Variants in MTERF1 observed in about 807,000 individuals in gnomAD.
MTERF1 encodes transcription termination factor 1, mitochondrial.
Under a neutral mutation model 31.6 loss-of-function variants are expected in MTERF1, and 29 were observed. The ratio of observed to expected loss-of-function variants is 0.92; its 90% CI spans 0.68 to 1.25. MTERF1 has a LOEUF of 1.25. MTERF1 is among the 50% of genes most tolerant of loss of function. The pLI is 0.00. For synonymous variants in MTERF1, 152 were observed against 164.1 expected (o/e 0.93, Z 0.57); for missense variants, 500 against 469.1 (o/e 1.07, Z -0.61).
In MTERF1 at chr7:91,873,118, T is replaced by C. The variant is rs1339003968; in HGVS notation, c.*476A>G. The C allele has an allele frequency of 2.0e-5, 3 of 153,010 alleles. No individual in the cohort carries two copies. The highest frequency in any genetic ancestry group is 4.4e-5 in the Non-Finnish European group (3 of 68,610). 9.5% of individuals were successfully genotyped at this position (153,010 alleles called of 1,614,324 possible). On this transcript the variant is annotated 3_prime_UTR_variant, in exon 3 of 3. Coordinates refer to ENST00000351870, the MANE Select transcript of MTERF1 (RefSeq NM_006980.5). ...CTACTTAGTTGCTATGTTAATCTAT[T>C]TGCTTCTTCAGCAAATTATCACTGA...
chr7:91,879,613 CA>C (rs913632875), intron 2 of MTERF1, among the ~76,000 whole-genome samples: 3 of 151,412 alleles, frequency 2.0e-5, no homozygotes, highest in Admixed American at 6.6e-5. Flanking sequence ...TTTCTAGTAC[CA>C]AAAAAGTCAC....
chr7:91,878,221 G>GTA (rs1370949343), intron 2 of MTERF1, among the ~76,000 whole-genome samples: 5 of 152,022 alleles, frequency 3.3e-5, no homozygotes, highest in African/African-American at 1.2e-4. Context: ...ACTGAAATTT[G>GTA]GTCTTGATTA....
At chr7:91,878,678 T>C (rs542705770) in intron 2 of MTERF1, among the ~76,000 whole-genome samples, 1 of 151,962 alleles carries the variant, frequency 6.6e-6, no homozygotes, top group African/African-American at 2.4e-5. Flanking sequence ...CTACAAAAAA[T>C]CAAAACATTA....
chr7:91,879,430 T>C (rs1003155354), intron 2 of MTERF1, among the ~76,000 whole-genome samples: 7 of 152,182 alleles, frequency 4.6e-5, no homozygotes, highest in African/African-American at 1.7e-4. Context: ...GAAAGTGGAA[T>C]GACACTTATT....
chr7:91,880,134 C>G, intron 1 of MTERF1, 21 bp from the exon 2 acceptor site: 1 of 1,580,604 alleles, frequency 6.3e-7, no homozygotes. Context: ...CACACACACA[C>G]AAAAAAAAGG....
chr7:91,880,273 C>A (rs369135202), intron 1 of MTERF1, 160 bp from the exon 2 acceptor site: 5 of 605,786 alleles, frequency 8.3e-6, no homozygotes, highest in Non-Finnish European at 1.4e-5. Flanking sequence ...GAAAAGAAAA[C>A]GGCAAGTACA....
chr7:91,877,389 T>G (rs553444164), intron 2 of MTERF1, among the ~76,000 whole-genome samples: 1 of 152,222 alleles, frequency 6.6e-6, no homozygotes, highest in Non-Finnish European at 1.5e-5. Flanking sequence ...ATGTCTTGTG[T>G]ATAACTCATC....
rs1285720193 is a variant in MTERF1, at chr7:91,871,001, G to A, written c.*2593C>T. The A allele has an allele frequency of 6.7e-6, 1 of 149,348 alleles. No homozygotes were observed. Among genetic ancestry groups the A allele is most frequent in the Admixed American group, 6.7e-5 (1 of 14,828 alleles). 9.3% of individuals were successfully genotyped at this position (149,348 alleles called of 1,614,324 possible). On this transcript the variant is annotated 3_prime_UTR_variant, in exon 3 of 3. Transcript: ENST00000351870. ...ACCCAGGCTGGTCTTGAACTCCTGG[G>A]CTCAAGCAATCCTCCCACCTCGGCC...
At chr7:91,878,177 G>C (rs1203214422) in intron 2 of MTERF1, among the ~76,000 whole-genome samples, 1 of 152,116 alleles carries the variant, frequency 6.6e-6, no homozygotes, top group East Asian at 1.9e-4. Context: ...TCTATTTATA[G>C]AAAACAAGAG....
rs750956047 is a variant in MTERF1, at chr7:91,873,659, T to A, written c.1135A>T (p.Thr379Ser). 6 of 1,613,758 alleles carry A rather than the reference T, an allele frequency of 3.7e-6. No individual in the cohort carries two copies. Among genetic ancestry groups the A allele is most frequent in the South Asian group, 3.3e-5 (3 of 90,996 alleles). Reference sequence around the variant, plus strand: ...CTTTTTTTACTCCAAGATAGAAGAGTGATGTTTAAAGTACTCAAGTTACAG... The same window carrying A: ...CTTTTTTTACTCCAAGATAGAAGAGAGATGTTTAAAGTACTCAAGTTACAG... ...AGCNLSTLNI[T>S]LLSWSKKRYE... is the part of the protein sequence containing the mutation. The change falls in exon 3 of 3, where the codon ACT (threonine) becomes TCT (serine). Residue 379 changes from threonine to serine, a missense_variant. By Grantham distance (58) the Thr-to-Ser change is moderately conservative. Coordinates refer to ENST00000351870, the MANE Select transcript of MTERF1 (RefSeq NM_006980.5).
chr7:91,873,705 G>C lies in MTERF1; in HGVS notation c.1089C>G (p.Ile363Met), dbSNP rs566302697. 6.2e-7 allele frequency: 1 copy of C among 1,614,060 alleles called. No individual in the cohort carries two copies. Among genetic ancestry groups the C allele is most frequent in the African/African-American group, 1.3e-5 (1 of 75,050 alleles). Residue 363 changes from isoleucine (I) to methionine (M), a missense_variant, in exon 3 of 3, where the codon ATC becomes ATG. Transcript: ENST00000351870. Reference protein sequence around the residue: ...DSSISTLKSRIKELVNAGCNL... With the variant: ...DSSISTLKSRMKELVNAGCNL... ...TACAGCCAGCATTTACCAATTCTTT[G>C]ATTCGACTTTTTAAAGTACTTATGC... is the stretch of plus-strand genomic sequence containing the variant.
Position 91,874,594 on chromosome 7 carries a change from C to T in MTERF1, c.200G>A (p.Ser67Asn), listed in dbSNP as rs1456884124. 1 of 1,613,978 alleles carries T rather than the reference C, an allele frequency of 6.2e-7. No homozygotes were observed. The highest frequency in any genetic ancestry group is 1.3e-5 in the African/African-American group (1 of 74,904). ...LFGVKCHNTDSEPLKNEDLLK... is the reference protein window; with the variant it reads ...LFGVKCHNTDNEPLKNEDLLK... ...TAGGTCCTCATTTTTCAAAGGCTCA[C>T]TGTCTGTATTATGACACTTCACACC... The change falls in exon 3 of 3, where the codon AGT (serine) becomes AAT (asparagine). Residue 67 changes from serine (S) to asparagine (N), a missense_variant. Transcript: ENST00000351870.
Position 91,874,272 on chromosome 7 carries a change from T to C in MTERF1, c.522A>G (p.Leu174=), listed in dbSNP as rs1392612510. Residue 174 remains leucine (L), a synonymous_variant, in exon 3 of 3, where the codon CTA becomes CTG. Transcript: ENST00000351870. ...PESFFRSNNN[L]NLENNIKFLY... is the part of the protein sequence containing the mutation. ...GGAACTTTATATTATTCTCTAAGTT[T>C]AGGTTGTTATTGGACCGAAAAAAGG... 1.2e-6 allele frequency: 2 copies of C among 1,614,078 alleles called. No individual in the cohort carries two copies. The highest frequency in any genetic ancestry group is 2.2e-5 in the South Asian group (2 of 91,056).
chr7:91,878,979 C>T (rs1474349453), intron 2 of MTERF1, among the ~76,000 whole-genome samples: 1 of 152,092 alleles, frequency 6.6e-6, no homozygotes, highest in Non-Finnish European at 1.5e-5. Flanking sequence ...CCCATCTCTA[C>T]TAAAAATACT....
At chr7:91,877,198 T>A (rs1789367611) in intron 2 of MTERF1, among the ~76,000 whole-genome samples, 1 of 152,238 alleles carries the variant, frequency 6.6e-6, no homozygotes, top group South Asian at 2.1e-4. Context: ...TGAAGACTAC[T>A]AGACAGTGCA....
At chr7:91,878,309 T>A (rs1456551684) in intron 2 of MTERF1, among the ~76,000 whole-genome samples, 4 of 152,076 alleles carry the variant, frequency 2.6e-5, no homozygotes, top group Non-Finnish European at 4.4e-5. Context: ...AACCTAGAAA[T>A]TTGGTCTTGA....
intron 2 of MTERF1, among the ~76,000 whole-genome samples, chr7:91,876,630 C>T (rs1298781124): frequency 6.6e-6 from 1 of 152,168 alleles, no homozygotes; most frequent in Admixed American, 6.5e-5. Flanking sequence ...TCTACAGATT[C>T]TCACAGAATT....
Position 91,873,928 on chromosome 7 carries a change from G to A in MTERF1, c.866C>T (p.Ala289Val). ...TTTGATGTTTGCGTAGCTTCTTCTG[G>A]CATAGTCATTGGAAAGGTCTAGGAT... ...AEILDLSNDY[A>V]RRSYANIKEK... Residue 289 changes from alanine (A) to valine (V), a missense_variant, in exon 3 of 3, where the codon GCC becomes GTC. Transcript: ENST00000351870. 1 of 1,613,940 alleles carries A rather than the reference G, an allele frequency of 6.2e-7. No individual in the cohort carries two copies. Among genetic ancestry groups the A allele is most frequent in the Non-Finnish European group, 8.5e-7 (1 of 1,179,996 alleles).
intron 2 of MTERF1, 83 bp downstream of exon 2, chr7:91,879,972 A>C: frequency 6.6e-7 from 1 of 1,512,932 alleles, no homozygotes; most frequent in Non-Finnish European, 9.1e-7. Flanking sequence ...ATAACTAATC[A>C]CTGGCCCTAA....
Sources: allele counts gnomAD v4.1 joint callset (sites outside exome capture counted in the v4.1 genomes callset), GRCh38; gene constraint gnomAD v4.1.1; transcripts MANE v1.5; gene names NCBI Gene and HGNC (gene_info 2026-07-23, HGNC 2026-07-21).